Variants in DCUN1D4 observed in about 807,000 individuals in gnomAD.
DCUN1D4 encodes the protein defective in cullin neddylation 1 domain containing 4.
A neutral mutation model predicts 47.9 loss-of-function variants in DCUN1D4; 22 were observed. The ratio of observed to expected loss-of-function variants is 0.46; its 90% CI spans 0.33 to 0.66. The LOEUF (loss-of-function observed/expected upper bound fraction) is 0.66, where lower values mean the gene tolerates loss of function less well. Ranked by LOEUF, DCUN1D4 falls within the 30% of genes least tolerant of loss-of-function variation. The probability of loss-of-function intolerance (pLI) is 0.02; values close to 1 mark genes in which losing one functional copy is unlikely to be tolerated. For synonymous variants in DCUN1D4, 121 were observed against 112.2 expected, an observed-to-expected ratio of 1.08 and a Z score of -0.50; for missense variants, 301 against 340.8, an observed-to-expected ratio of 0.88 and a Z score of 0.92.
chr4:51,862,258 G>T (rs960077809), intron 1 of DCUN1D4, among the ~76,000 whole-genome samples: 1 of 152,246 alleles, frequency 6.6e-6, no homozygotes. Context: ...AATGTGAGGG[G>T]CTCTGCTTCT....
chr4:51,907,437 G>T (rs1194898044), intron 8 of DCUN1D4, among the ~76,000 whole-genome samples: 1 of 152,142 alleles, frequency 6.6e-6, no homozygotes, highest in Non-Finnish European at 1.5e-5. Context: ...TAGGTTAGCT[G>T]GGTTAAGGAG....
At chr4:51,848,317 G>C (rs961662928) in intron 1 of DCUN1D4, 3 of 1,286,916 alleles carry the variant, frequency 2.3e-6, no homozygotes, top group African/African-American at 3.0e-5. Flanking sequence ...GTCCGTTTCT[G>C]GTCTCTCGTG....
Position 51,915,140 on chromosome 4 carries a change from C to T in DCUN1D4, c.*1556C>T, listed in dbSNP as rs1380732931. 6.6e-6 allele frequency: 1 copy of T among 152,542 alleles called. No homozygotes were observed. Among genetic ancestry groups the T allele is most frequent in the African/African-American group, 2.4e-5 (1 of 41,430 alleles). 9.4% of individuals were successfully genotyped at this position (152,542 alleles called of 1,614,324 possible). On this transcript the variant is annotated 3_prime_UTR_variant, in exon 11 of 11. Coordinates refer to ENST00000334635, the MANE Select transcript of DCUN1D4 (RefSeq NM_001040402.3). Reference sequence around the variant, plus strand: ...TGAATAAAGCACACAGACAGTGCTACTCTTGACCACTATTTTACCATTTCT... The same window carrying T: ...TGAATAAAGCACACAGACAGTGCTATTCTTGACCACTATTTTACCATTTCT...
intron 8 of DCUN1D4, 25 bp downstream of exon 8, chr4:51,899,403 A>G: frequency 6.3e-7 from 1 of 1,584,620 alleles, no homozygotes; most frequent in African/African-American, 1.4e-5. Flanking sequence ...GCCTATCCAG[A>G]TGTTTCCCTC....
chr4:51,854,775 C>T (rs181580894), intron 1 of DCUN1D4, among the ~76,000 whole-genome samples: 12 of 152,288 alleles, frequency 7.9e-5, no homozygotes, highest in Middle Eastern at 3.4e-3. Context: ...TTGGTACCTG[C>T]CTTGTGCTAG....
At position 51,891,710 on chromosome 4, in the gene DCUN1D4, T is replaced by C. The variant is rs767781883; in HGVS notation, c.415-50T>C. On this transcript the variant is annotated intron_variant, in intron 6 of 10. Transcript: ENST00000334635. ...ATGACAGATCTATTTGTTTTTTCTTTTTAATTTGTGTAATATATTTTTTTT... is the reference window on the plus strand; with the variant it reads ...ATGACAGATCTATTTGTTTTTTCTTCTTAATTTGTGTAATATATTTTTTTT... 3 of 1,436,422 alleles carry C rather than the reference T, an allele frequency of 2.1e-6. No individual in the cohort carries two copies. In the South Asian group the frequency reaches 3.8e-5, roughly 18 times the overall value. 89.0% of individuals were successfully genotyped at this position (1,436,422 alleles called of 1,614,324 possible). A position where few individuals can be genotyped will look rare whatever the true frequency, so the allele number is the denominator to read the frequency against.
intron 7 of DCUN1D4, among the ~76,000 whole-genome samples, chr4:51,896,724 C>T (rs1257549393): frequency 1.3e-5 from 2 of 152,154 alleles, no homozygotes; most frequent in East Asian, 1.9e-4. Flanking sequence ...CATTGGGATT[C>T]TGGCACTAGA....
rs894931849 is a variant in DCUN1D4, at chr4:51,863,420, T to C, written c.26-17T>C. 2.5e-6 allele frequency: 4 copies of C among 1,589,238 alleles called. No individual in the cohort carries two copies. The highest frequency in any genetic ancestry group is 3.4e-6 in the Non-Finnish European group (4 of 1,161,796). On this transcript the variant is annotated splice_polypyrimidine_tract_variant and intron_variant, in intron 1 of 10. Coordinates refer to ENST00000334635, the MANE Select transcript of DCUN1D4 (RefSeq NM_001040402.3). The stretch of plus-strand genomic sequence containing the variant: ...TGGAAATAAATGACGCTGACATTTT[T>C]CCTTTTTCTTTTCAAGATTTTCAGC...
chr4:51,913,844 G>A lies in DCUN1D4; in HGVS notation c.*260G>A. 2.6e-6 allele frequency: 1 copy of A among 384,258 alleles called. No homozygotes were observed. Among genetic ancestry groups the A allele is most frequent in the East Asian group, 3.9e-5 (1 of 25,900 alleles). The allele number at this position is 384,258 out of a possible 1,614,324, so 23.8% of individuals were successfully genotyped here. ...TCCTCACTGTGATTATGTGTATATT[G>A]CTGTTTAAATTTTGTATATGTGTAT... On this transcript the variant is annotated 3_prime_UTR_variant, in exon 11 of 11. Coordinates refer to ENST00000334635, the MANE Select transcript of DCUN1D4 (RefSeq NM_001040402.3).
intron 1 of DCUN1D4, chr4:51,844,523 G>A (rs1722189678): frequency 3.3e-5 from 16 of 482,544 alleles, no homozygotes; most frequent in Non-Finnish European, 4.3e-5. Flanking sequence ...GCTTGGCGCC[G>A]GGGAGGTGTC....
chr4:51,844,502 C>T, intron 1 of DCUN1D4: 1 of 725,712 alleles, frequency 1.4e-6, no homozygotes, highest in Non-Finnish European at 1.7e-6. Context: ...GCCCTGATGG[C>T]CGGGTCGGGG....
the DCUN1D4 span, among the ~76,000 whole-genome samples, chr4:51,834,042 TTCTCTCTCTC>T: frequency 0.022 from 1,121 of 51,890 alleles, 66 homozygotes; most frequent in East Asian, 0.12. Flanking sequence ...TTAGGAGTCT[TTCTCTCTCTC>T]TCTCTCTCTC....
chr4:51,903,281 G>A (rs1297839087), intron 8 of DCUN1D4, among the ~76,000 whole-genome samples: 1 of 152,018 alleles, frequency 6.6e-6, no homozygotes, highest in African/African-American at 2.4e-5. Context: ...AGACTTCTGG[G>A]TAAAAAAATT....
intron 1 of DCUN1D4, among the ~76,000 whole-genome samples, chr4:51,851,129 T>C (rs181689992): frequency 6.6e-6 from 1 of 152,274 alleles, no homozygotes; most frequent in East Asian, 1.9e-4. Flanking sequence ...CAGAACCAAA[T>C]GAGGCATTCC....
In DCUN1D4 at chr4:51,843,179, G is replaced by C; in HGVS notation, c.-64G>C. On this transcript the variant is annotated 5_prime_UTR_variant, in exon 1 of 11. Transcript: ENST00000334635. ...GCTTCGAGCCGAGGTGCAGTGAGCTGGTGGGGGGACCGCGAGGCGAGCGCG... is the reference window on the plus strand; with the variant it reads ...GCTTCGAGCCGAGGTGCAGTGAGCTCGTGGGGGGACCGCGAGGCGAGCGCG... The C allele has an allele frequency of 6.5e-7, 1 of 1,535,094 alleles. No homozygotes were observed. Among genetic ancestry groups the C allele is most frequent in the African/African-American group, 1.4e-5 (1 of 71,974 alleles).
intron 1 of DCUN1D4, among the ~76,000 whole-genome samples, chr4:51,859,584 G>A (rs1324806597): frequency 1.6e-5 from 2 of 123,358 alleles, no homozygotes; most frequent in Non-Finnish European, 3.2e-5. Context: ...CCCCTCAATG[G>A]CATTCATTTT....
At chr4:51,888,774 A>G (rs1729953030) in intron 6 of DCUN1D4, among the ~76,000 whole-genome samples, 1 of 151,366 alleles carries the variant, frequency 6.6e-6, no homozygotes, top group Non-Finnish European at 1.5e-5. Flanking sequence ...AAATATCCTT[A>G]AAATTTATAA....
In DCUN1D4 at chr4:51,892,364, C is replaced by T. The variant is rs147659102; in HGVS notation, c.506+513C>T. 4.6e-5 allele frequency among the ~76,000 whole-genome samples: 7 copies of T among 152,308 alleles called. No homozygotes were observed. In the East Asian group the frequency reaches 1.2e-3, roughly 25 times the overall value. ...GATCCATCTCCATTTGTATTAACCA[C>T]ATTTCAAGTGCTCAGTAGTCACATG... is the stretch of plus-strand genomic sequence containing the variant. On this transcript the variant is annotated intron_variant, in intron 7 of 10. Transcript: ENST00000334635.
chr4:51,839,197 A>AGGAG (rs1721569733), upstream of DCUN1D4, among the ~76,000 whole-genome samples: 1 of 150,162 alleles, frequency 6.7e-6, no homozygotes, highest in Non-Finnish European at 1.5e-5. Flanking sequence ...GAAGGAAGGA[A>AGGAG]GGAAGGAAGG....
Sources: gnomAD v4.1 joint callset for allele counts (sites outside exome capture counted in the v4.1 genomes callset) on GRCh38, gnomAD v4.1.1 for gene constraint, MANE v1.5 for transcripts, NCBI Gene and HGNC (gene_info 2026-07-23, HGNC 2026-07-21) for gene names.